The following DCAF1 variants were observed in gnomAD, a reference collection of about 807,000 sequenced individuals.
The protein encoded by DCAF1 is DDB1- and CUL4-associated factor 1.
A neutral mutation model predicts 128.0 loss-of-function variants in DCAF1; 15 were observed. That is an observed-to-expected ratio of 0.12 (90% CI 0.08 to 0.18). The LOEUF (loss-of-function observed/expected upper bound fraction) is 0.18. Ranked by LOEUF, DCAF1 falls within the 10% of genes least tolerant of loss-of-function variation. DCAF1 has a pLI of 1.00. For missense variants in DCAF1, 988 were observed against 1,649.5 expected (o/e 0.60, Z 6.95); for synonymous variants, 610 against 603.0 (o/e 1.01, Z -0.17).
intron 2 of DCAF1, among the ~76,000 whole-genome samples, chr3:51,492,716 C>T (rs762682842): frequency 2.6e-4 from 40 of 152,046 alleles, no homozygotes; most frequent in Non-Finnish European, 5.1e-4. Flanking sequence ...AGGGTGGCCC[C>T]GGGCGCGGTG....
intron 3 of DCAF1, among the ~76,000 whole-genome samples, chr3:51,480,598 C>CAAAAAAA (rs34527434): frequency 1.1e-5 from 1 of 92,528 alleles, no homozygotes; most frequent in Admixed American, 1.4e-4. Flanking sequence ...GAGTCTGCCT[C>CAAAAAAA]AAAAAAAAAA....
intron 13 of DCAF1, among the ~76,000 whole-genome samples, chr3:51,423,241 T>C (rs1156655186): frequency 6.6e-6 from 1 of 152,096 alleles, no homozygotes; most frequent in Non-Finnish European, 1.5e-5. Flanking sequence ...CCTGTAATCC[T>C]AGTGCTTTGG....
At position 51,406,342 on chromosome 3, in the gene DCAF1, CAAAAAAA is replaced by C. The variant is rs782324969; in HGVS notation, c.4213-2954_4213-2948del. Among the ~76,000 whole-genome samples the C allele has an allele frequency of 6.2e-5, 3 of 48,216 alleles. 1 individual carries two copies. Among genetic ancestry groups the C allele is most frequent in the African/African-American group, 8.6e-5 (1 of 11,674 alleles). 31.6% of individuals were successfully genotyped at this position (48,216 alleles called of 152,430 possible). Reference sequence around the variant, plus strand: ...TGGACAACAGAGCAAGACTCTGTCTCAAAAAAAAAAAAAAAAAAAAAAACCAAATTTT... The same window carrying C: ...TGGACAACAGAGCAAGACTCTGTCTCAAAAAAAAAAAAAAAACCAAATTTT... On this transcript the variant is annotated intron_variant, in intron 23 of 24. Coordinates refer to ENST00000684031, the MANE Select transcript of DCAF1 (RefSeq NM_001387579.1).
chr3:51,440,885 G>T, intron 9 of DCAF1, 85 bp downstream of exon 9: 1 of 1,162,028 alleles, frequency 8.6e-7, no homozygotes, highest in South Asian at 1.4e-5. Flanking sequence ...CAGCCTGGGC[G>T]ACAGAGTGAG....
At chr3:51,401,646 A>G (rs2089710252) in intron 24 of DCAF1, among the ~76,000 whole-genome samples, 1 of 152,274 alleles carries the variant, frequency 6.6e-6, no homozygotes. Context: ...CAGTAATTGT[A>G]CAGGCCAAAT....
chr3:51,495,946 A>G (rs1479194157), intron 2 of DCAF1, among the ~76,000 whole-genome samples: 1 of 151,656 alleles, frequency 6.6e-6, no homozygotes, highest in African/African-American at 2.4e-5. Context: ...GTGAGCCATA[A>G]CTGCACCACT....
chr3:51,436,935 A>G (rs1305375762), intron 9 of DCAF1, among the ~76,000 whole-genome samples: 1 of 152,192 alleles, frequency 6.6e-6, no homozygotes, highest in African/African-American at 2.4e-5. Context: ...ATGTATAGAG[A>G]AATAATAAAG....
downstream of DCAF1, chr3:51,396,305 A>G (rs540608452): frequency 4.3e-5 from 8 of 184,056 alleles, no homozygotes; most frequent in Middle Eastern, 2.7e-3. Context: ...CATGGCCCCA[A>G]AAAGAACTGC....
At chr3:51,495,996 G>A (rs62257551) in intron 2 of DCAF1, among the ~76,000 whole-genome samples, 111 of 146,350 alleles carry the variant, frequency 7.6e-4, no homozygotes, top group African/African-American at 2.7e-3. Flanking sequence ...CTTGTCTCAA[G>A]GAAAAAAAAA....
At chr3:51,502,226 A>G (rs1431261636), upstream of DCAF1, among the ~76,000 whole-genome samples, 5 of 152,058 alleles carry the variant, frequency 3.3e-5, no homozygotes, top group Admixed American at 6.6e-5. Context: ...CTGCCACCAG[A>G]TGGCACTGCT....
At chr3:51,470,582 T>C (rs1553648069) in intron 4 of DCAF1, among the ~76,000 whole-genome samples, 1 of 152,094 alleles carries the variant, frequency 6.6e-6, no homozygotes, top group East Asian at 1.9e-4. Context: ...AGAAAAAGTC[T>C]GAAAGGAAGA....
intron 4 of DCAF1, among the ~76,000 whole-genome samples, chr3:51,468,125 T>C (rs1167933663): frequency 6.6e-6 from 1 of 152,184 alleles, no homozygotes; most frequent in Non-Finnish European, 1.5e-5. Flanking sequence ...ACTCAATGCA[T>C]AGCCTAACGA....
In DCAF1 at chr3:51,432,357, G is replaced by C. The variant is rs927344039; in HGVS notation, c.1287+749C>G. Among the ~76,000 whole-genome samples, 8 of 151,762 alleles carry C rather than the reference G, an allele frequency of 5.3e-5. No homozygotes were observed. The South Asian group carries it at 1.5e-3, about 28-fold the overall frequency. On this transcript the variant is annotated intron_variant, in intron 10 of 24. Transcript: ENST00000684031. ...AGCTACCTGGCAGGCTGAGCACTTG[G>C]GCAATAGGGCAAGACCCTGTCTCTA...
At chr3:51,434,920 C>T (rs1189090785) in intron 9 of DCAF1, among the ~76,000 whole-genome samples, 1 of 152,014 alleles carries the variant, frequency 6.6e-6, no homozygotes, top group African/African-American at 2.4e-5. Context: ...AGCTAGAGCT[C>T]CCCCTACTGT....
chr3:51,452,669 T>C (rs2107847042), intron 6 of DCAF1, among the ~76,000 whole-genome samples: 1 of 152,278 alleles, frequency 6.6e-6, no homozygotes, highest in Non-Finnish European at 1.5e-5. Flanking sequence ...GAACCAGAGA[T>C]GATTTTCCTA....
rs1553629648 is a variant in DCAF1, at chr3:51,414,673, C to T, written c.3788G>A (p.Ser1263Asn). 1 of 1,614,044 alleles carries T rather than the reference C, an allele frequency of 6.2e-7. No homozygotes were observed. The highest frequency in any genetic ancestry group is 8.5e-7 in the Non-Finnish European group (1 of 1,179,904). The change falls in exon 19 of 25, where the codon AGT becomes AAT. Residue 1263 changes from serine (S) to asparagine (N), a missense_variant. By Grantham distance (46) the Ser-to-Asn change is conservative (BLOSUM62 1). Coordinates refer to ENST00000684031, the MANE Select transcript of DCAF1 (RefSeq NM_001387579.1). Reference sequence around the variant, plus strand: ...CAGTCCATTTGGATGGAAAACACCACTGATGTTCATATTGAACTTGTCAAA... The same window carrying T: ...CAGTCCATTTGGATGGAAAACACCATTGATGTTCATATTGAACTTGTCAAA... Reference protein sequence around the residue: ...HKFDKFNMNISGVFHPNGLEV... With the variant: ...HKFDKFNMNINGVFHPNGLEV...
chr3:51,422,198 C>T (rs1553632693), intron 14 of DCAF1, 109 bp downstream of exon 14: 11 of 664,586 alleles, frequency 1.7e-5, no homozygotes, highest in South Asian at 1.7e-4. Flanking sequence ...CCCTCTACTA[C>T]TTCTGTTCTA....
intron 3 of DCAF1, among the ~76,000 whole-genome samples, chr3:51,473,425 CTTTTT>C (rs782196520): frequency 1.3e-5 from 1 of 74,184 alleles, no homozygotes; most frequent in East Asian, 4.6e-4. Flanking sequence ...ACTTTCTAGT[CTTTTT>C]TTTTTTTTTT....
In DCAF1 at chr3:51,398,526, G is replaced by C. The variant is rs1186555323; in HGVS notation, c.*243C>G. Reference sequence around the variant, plus strand: ...AGATATGTCCATCCTAGGAAATGGTGGGGGGTGGATGTGGGGGGTGCAGAG... The same window carrying C: ...AGATATGTCCATCCTAGGAAATGGTCGGGGGTGGATGTGGGGGGTGCAGAG... On this transcript the variant is annotated 3_prime_UTR_variant, in exon 25 of 25. Coordinates refer to ENST00000684031, the MANE Select transcript of DCAF1 (RefSeq NM_001387579.1). The C allele has an allele frequency of 4.4e-6, 2 of 456,116 alleles. No individual in the cohort carries two copies. Among genetic ancestry groups the C allele is most frequent in the Non-Finnish European group, 7.8e-6 (2 of 256,626 alleles). 28.3% of individuals were successfully genotyped at this position (456,116 alleles called of 1,614,324 possible).
Sources: gnomAD v4.1 joint callset for allele counts (sites outside exome capture counted in the v4.1 genomes callset) on GRCh38, gnomAD v4.1.1 for gene constraint, MANE v1.5 for transcripts, NCBI Gene and HGNC (gene_info 2026-07-23, HGNC 2026-07-21) for gene names.